The following LOC122539214 variants were observed in gnomAD, a reference collection of about 807,000 sequenced individuals.
chr19:52,673,147 T>C, the LOC122539214 span, among the ~76,000 whole-genome samples: 1 of 152,130 alleles, frequency 6.6e-6, no homozygotes, highest in Non-Finnish European at 1.5e-5. Context: ...GAGCAGAGGT[T>C]GCAGTGAGTG....
At chr19:52,683,759 T>G in the LOC122539214 span, among the ~76,000 whole-genome samples, 1 of 152,288 alleles carries the variant, frequency 6.6e-6, no homozygotes, top group South Asian at 2.1e-4. Flanking sequence ...CAATTAGAGT[T>G]GAAATTTCCA....
chr19:52,658,639 G>A, the LOC122539214 span, among the ~76,000 whole-genome samples: 2 of 152,124 alleles, frequency 1.3e-5, no homozygotes, highest in Admixed American at 6.5e-5. Flanking sequence ...TTGGAAGGCC[G>A]AAAGGTTATA....
chr19:52,674,034 A>C, the LOC122539214 span: 1 of 152,366 alleles, frequency 6.6e-6, no homozygotes, highest in Non-Finnish European at 1.5e-5. Context: ...AAAAAAAAAA[A>C]AAAATTACCA....
the LOC122539214 span, among the ~76,000 whole-genome samples, chr19:52,659,287 C>T: frequency 1.3e-5 from 2 of 151,990 alleles, no homozygotes; most frequent in Non-Finnish European, 2.9e-5. Flanking sequence ...AAAACAAAGG[C>T]AAAGAAGGAT....
the LOC122539214 span, chr19:52,660,647 T>G: frequency 6.5e-6 from 1 of 154,902 alleles, no homozygotes; most frequent in Non-Finnish European, 1.5e-5. Context: ...AAGCCTTGGG[T>G]GAGTGCGAGC....
the LOC122539214 span, among the ~76,000 whole-genome samples, chr19:52,679,035 C>A: frequency 6.6e-6 from 1 of 152,088 alleles, no homozygotes; most frequent in East Asian, 1.9e-4. Context: ...CACAAGCTCC[C>A]TTAATAAGAT....
chr19:52,689,017 CATT>C, the LOC122539214 span, among the ~76,000 whole-genome samples: 1 of 149,810 alleles, frequency 6.7e-6, no homozygotes, highest in African/African-American at 2.5e-5. Context: ...GCTTCTTAAG[CATT>C]ATTATGTTTT....
the LOC122539214 span, chr19:52,660,843 T>C: frequency 5.6e-6 from 1 of 177,914 alleles, no homozygotes; most frequent in Non-Finnish European, 1.2e-5. Flanking sequence ...GGAAATTAAT[T>C]CTGTGTGAGA....
chr19:52,654,419 A>G, the LOC122539214 span: 1 of 1,014,960 alleles, frequency 9.9e-7, no homozygotes, highest in Non-Finnish European at 1.4e-6. Flanking sequence ...AAATATAAAG[A>G]CCAATAGGTT....
chr19:52,655,660 T>C, the LOC122539214 span: 4 of 1,310,916 alleles, frequency 3.1e-6, no homozygotes, highest in Non-Finnish European at 4.4e-6. Flanking sequence ...GAGAATTCTA[T>C]AGCCACATCC....
chr19:52,680,643 C>G, the LOC122539214 span, among the ~76,000 whole-genome samples: 2 of 117,980 alleles, frequency 1.7e-5, no homozygotes, highest in Non-Finnish European at 3.2e-5. Flanking sequence ...GACGGAGTCT[C>G]GCTCTGTCGC....
chr19:52,666,759 G>T, the LOC122539214 span, among the ~76,000 whole-genome samples: 1 of 152,214 alleles, frequency 6.6e-6, no homozygotes, highest in African/African-American at 2.4e-5. Context: ...TCTAACAGGG[G>T]GTCTAAATCT....
chr19:52,669,607 CAA>C, the LOC122539214 span, among the ~76,000 whole-genome samples: 1 of 152,166 alleles, frequency 6.6e-6, no homozygotes, highest in South Asian at 2.1e-4. Flanking sequence ...GAAAGTAAAA[CAA>C]AGACATTGCA....
At chr19:52,683,531 G>C in the LOC122539214 span, among the ~76,000 whole-genome samples, 1 of 62,284 alleles carries the variant, frequency 1.6e-5, no homozygotes, top group African/African-American at 9.8e-5. Context: ...CAAAGGGAAG[G>C]GCAAAGTCCC....
At chr19:52,671,441 T>G in the LOC122539214 span, among the ~76,000 whole-genome samples, 1 of 152,106 alleles carries the variant, frequency 6.6e-6, no homozygotes, top group East Asian at 1.9e-4. Flanking sequence ...TATCTTCAAG[T>G]TGTACTTTTT....
At chr19:52,674,880 G>A in the LOC122539214 span, among the ~76,000 whole-genome samples, 1 of 152,170 alleles carries the variant, frequency 6.6e-6, no homozygotes, top group South Asian at 2.1e-4. Flanking sequence ...ATCAGTTTTT[G>A]TCAAAGAAAC....
chr19:52,656,208 G>A, the LOC122539214 span, among the ~76,000 whole-genome samples: 2 of 144,274 alleles, frequency 1.4e-5, no homozygotes, highest in Admixed American at 7.0e-5. Flanking sequence ...GTGAGACTCC[G>A]TCTCTCTCTC....
chr19:52,652,593 T>A, the LOC122539214 span: 1 of 435,716 alleles, frequency 2.3e-6, no homozygotes, highest in Non-Finnish European at 4.6e-6. Context: ...ACTGATGAAC[T>A]GCAAGCTATG....
chr19:52,683,843 C>A, the LOC122539214 span, among the ~76,000 whole-genome samples: 1 of 152,170 alleles, frequency 6.6e-6, no homozygotes, highest in Non-Finnish European at 1.5e-5. Context: ...ATCTAAACTG[C>A]AACCCCAGAG....
Sources: allele counts gnomAD v4.1 joint callset (sites outside exome capture counted in the v4.1 genomes callset), GRCh38; gene constraint gnomAD v4.1.1; transcripts MANE v1.5.